FOXP1: variants seen among roughly 807,000 people sequenced by gnomAD.
FOXP1 encodes the protein forkhead box protein P1.
In FOXP1, 15 loss-of-function variants were observed where a neutral mutation model predicts 98.2. The observed-to-expected ratio is 0.15, with a 90% CI of 0.10 to 0.24. The LOEUF is 0.24. Among genes scored for constraint, FOXP1 ranks in the 10% least tolerant of loss-of-function variants. The pLI is 1.00. For synonymous variants in FOXP1, 371 were observed against 314.5 expected (o/e 1.18, Z -1.90); for missense variants, 633 against 848.5 (o/e 0.75, Z 3.15).
At chr3:71,152,592 C>A (rs560892512) in intron 6 of FOXP1, among the ~76,000 whole-genome samples, 34 of 152,270 alleles carry the variant, frequency 2.2e-4, no homozygotes, top group African/African-American at 7.7e-4. Flanking sequence ...CTCTGACCCC[C>A]ACACAGACCT....
chr3:71,434,274 C>G (rs1029739833), intron 3 of FOXP1, among the ~76,000 whole-genome samples: 1 of 147,096 alleles, frequency 6.8e-6, no homozygotes, highest in South Asian at 2.1e-4. Context: ...GATCCTAGAG[C>G]CCCCCCGAAG....
At position 71,194,867 on chromosome 3, in the gene FOXP1, T is replaced by C. The variant is rs144262889; in HGVS notation, c.180+3335A>G. Among the ~76,000 whole-genome samples, 514 of 152,318 alleles carry C rather than the reference T, an allele frequency of 3.4e-3. 6 individuals carry two copies. Among genetic ancestry groups the C allele is most frequent in the African/African-American group, 0.012 (486 of 41,568 alleles). ...CATTACAGAGATAATACATTTAGTC[T>C]TGAGGAAGAAAGACAGTTTGTGAGT... is the stretch of plus-strand genomic sequence containing the variant. On this transcript the variant is annotated intron_variant, in intron 6 of 20. Coordinates refer to ENST00000649528, the MANE Select transcript of FOXP1 (RefSeq NM_001349338.3).
intron 14 of FOXP1, among the ~76,000 whole-genome samples, chr3:70,985,876 T>C (rs1035382450): frequency 1.3e-5 from 2 of 152,172 alleles, no homozygotes; most frequent in African/African-American, 2.4e-5. Flanking sequence ...TAAATGGTTA[T>C]AGAAGTGCTG....
intron 7 of FOXP1, among the ~76,000 whole-genome samples, chr3:71,085,453 A>G (rs549933726): frequency 1.3e-5 from 2 of 151,756 alleles, no homozygotes; most frequent in South Asian, 2.1e-4. Flanking sequence ...GCCAGGCCCC[A>G]CTTAGCTTTT....
intron 5 of FOXP1, among the ~76,000 whole-genome samples, chr3:71,199,155 T>C (rs1185033280): frequency 6.7e-6 from 1 of 149,740 alleles, no homozygotes; most frequent in African/African-American, 2.5e-5. Flanking sequence ...TCGCCGAGGA[T>C]GAAGTGCAGT....
At chr3:71,211,207 T>C (rs1001283995) in intron 5 of FOXP1, among the ~76,000 whole-genome samples, 14 of 152,150 alleles carry the variant, frequency 9.2e-5, no homozygotes, top group Non-Finnish European at 8.8e-5. Flanking sequence ...TAGTTCTATT[T>C]TTCCATTTTT....
chr3:71,575,794 A>G (rs1247000406), intron 2 of FOXP1, among the ~76,000 whole-genome samples: 2 of 152,218 alleles, frequency 1.3e-5, no homozygotes, highest in East Asian at 3.8e-4. Flanking sequence ...TTAAAATATT[A>G]CCCCTAATTC....
chr3:71,034,782 G>A (rs1299144468), intron 11 of FOXP1, among the ~76,000 whole-genome samples: 2 of 152,064 alleles, frequency 1.3e-5, no homozygotes, highest in African/African-American at 2.4e-5. Context: ...TCAAGGTCTC[G>A]TGGTAGCTCC....
chr3:71,112,637 C>A lies in FOXP1; in HGVS notation c.181G>T (p.Ala61Ser). 6.2e-7 allele frequency: 1 copy of A among 1,612,836 alleles called. No individual in the cohort carries two copies. Among genetic ancestry groups the A allele is most frequent in the Non-Finnish European group, 8.5e-7 (1 of 1,178,894 alleles). The change falls in exon 7 of 21, where the codon GCA becomes TCA. Residue 61 changes from alanine to serine, a missense_variant and splice_region_variant. By Grantham distance (99) the Ala-to-Ser change is moderately conservative. Transcript: ENST00000649528. ...LAHAQQQQQQ[A>S]LQVARQLLLQ... ...AGGAGCTGTCTTGCCACCTGAAGTG[C>A]CTGGAAGGAAAAACAAGAAAATCCT...
intron 4 of FOXP1, chr3:71,334,764 T>C (rs984570658): frequency 1.3e-5 from 2 of 152,174 alleles, no homozygotes; most frequent in Admixed American, 6.5e-5. Context: ...GGGAATACAG[T>C]ACCCATGAGC....
chr3:71,156,673 G>A (rs528171648), intron 6 of FOXP1, among the ~76,000 whole-genome samples: 9 of 152,224 alleles, frequency 5.9e-5, no homozygotes, highest in Non-Finnish European at 1.0e-4. Context: ...AATGGGCAGA[G>A]GCCATAGCAT....
chr3:71,418,586 A>G (rs2083393837), intron 3 of FOXP1, among the ~76,000 whole-genome samples: 2 of 152,220 alleles, frequency 1.3e-5, no homozygotes, highest in African/African-American at 4.8e-5. Context: ...CCTTCACTCA[A>G]AAGAGCTAAT....
chr3:71,267,350 G>A (rs1484928759), intron 5 of FOXP1, among the ~76,000 whole-genome samples: 1 of 152,078 alleles, frequency 6.6e-6, no homozygotes, highest in Admixed American at 6.6e-5. Flanking sequence ...GTATACAGTA[G>A]ATCCAGATGG....
rs189839591 is a variant in FOXP1, at chr3:71,314,163, G to T, written c.-72-14283C>A. Among the ~76,000 whole-genome samples the T allele has an allele frequency of 1.8e-4, 28 of 152,304 alleles. 1 individual carries two copies. The highest frequency in any genetic ancestry group is 1.5e-3 in the Admixed American group (23 of 15,300). On this transcript the variant is annotated intron_variant, in intron 4 of 20. Transcript: ENST00000649528. The stretch of plus-strand genomic sequence containing the variant: ...AAGAAATGATGGCTGCCGTTATTAC[G>T]ATCAGGGATGATATAACTTAAATAA...
chr3:71,537,434 T>A (rs1358750564), intron 2 of FOXP1, among the ~76,000 whole-genome samples: 1 of 152,170 alleles, frequency 6.6e-6, no homozygotes, highest in Non-Finnish European at 1.5e-5. Context: ...GAAGTGTGCA[T>A]TCCAGAATGA....
intron 17 of FOXP1, among the ~76,000 whole-genome samples, chr3:70,976,060 T>C (rs1023384770): frequency 2.7e-5 from 4 of 147,016 alleles, no homozygotes; most frequent in Non-Finnish European, 4.5e-5. Flanking sequence ...TTTTTTTTTT[T>C]TTTTTTTGAG....
intron 7 of FOXP1, among the ~76,000 whole-genome samples, chr3:71,079,892 GA>G (rs373005874): frequency 6.6e-6 from 1 of 152,214 alleles, no homozygotes; most frequent in African/African-American, 2.4e-5. Context: ...TTATAGATGA[GA>G]AAACTGAGGT....
intron 2 of FOXP1, among the ~76,000 whole-genome samples, chr3:71,505,855 A>C (rs898017593): frequency 6.6e-6 from 1 of 152,128 alleles, no homozygotes; most frequent in Admixed American, 6.5e-5. Context: ...ACCTGTCACT[A>C]AAGTCTAAAG....
At chr3:71,177,218 C>G (rs768214881) in intron 6 of FOXP1, among the ~76,000 whole-genome samples, 2 of 152,170 alleles carry the variant, frequency 1.3e-5, no homozygotes, top group African/African-American at 2.4e-5. Context: ...AAGCAGGACT[C>G]TCTCCCGTTG....
Sources: allele counts gnomAD v4.1 joint callset (sites outside exome capture counted in the v4.1 genomes callset), GRCh38; gene constraint gnomAD v4.1.1; transcripts MANE v1.5; gene names NCBI Gene and HGNC (gene_info 2026-07-23, HGNC 2026-07-21).